The following ALMS1 variants were observed in gnomAD, a reference collection of about 807,000 sequenced individuals.
ALMS1 encodes centrosome-associated protein ALMS1.
A neutral mutation model predicts 352.2 loss-of-function variants in ALMS1; 271 were observed. The observed-to-expected ratio is 0.77, with a 90% CI of 0.70 to 0.85. The LOEUF is 0.85. Ranked by LOEUF, ALMS1 falls within the 40% of genes least tolerant of loss-of-function variation. The pLI is 0.00. For synonymous variants in ALMS1, 1,865 were observed against 1,761.2 expected (o/e 1.06, Z -1.48); for missense variants, 5,445 against 4,870.7 (o/e 1.12, Z -3.51).
intron 10 of ALMS1, 122 bp downstream of exon 10, chr2:73,491,620 C>T (rs1346805537): frequency 1.9e-6 from 2 of 1,044,454 alleles, no homozygotes; most frequent in Non-Finnish European, 2.9e-6. Context: ...GAGGTTGTGT[C>T]TGGCTAATTA....
chr2:73,406,677 ACT>A (rs1670979570), intron 1 of ALMS1, among the ~76,000 whole-genome samples: 2 of 151,738 alleles, frequency 1.3e-5, no homozygotes, highest in South Asian at 4.2e-4. Context: ...ACATATAAAA[ACT>A]CTAGTCCTTT....
rs199572177 is a variant in ALMS1, at chr2:73,448,679, C to G, written c.2152C>G (p.His718Asp). Residue 718 changes from histidine to aspartate, a missense_variant, in exon 8 of 23, where the codon CAT (histidine) becomes GAT (aspartate). By Grantham distance (81) the His-to-Asp change is moderately conservative. Coordinates refer to ENST00000613296, the MANE Select transcript of ALMS1 (RefSeq NM_001378454.1). Reference sequence around the variant, plus strand: ...AACAGTACTCTCTACTCCCCACTCACATAGAGAGAAGCCTGGTATTTTTTA... The same window carrying G: ...AACAGTACTCTCTACTCCCCACTCAGATAGAGAGAAGCCTGGTATTTTTTA... ...TATVLSTPHS[H>D]REKPGIFYQQ... The G allele has an allele frequency of 8.1e-6, 13 of 1,613,836 alleles. No homozygotes were observed. In the South Asian group the frequency reaches 1.4e-4, roughly 18 times the overall value.
At chr2:73,438,466 G>A (rs185609018) in intron 7 of ALMS1, among the ~76,000 whole-genome samples, 8 of 152,248 alleles carry the variant, frequency 5.3e-5, no homozygotes, top group South Asian at 4.1e-4. Context: ...AAAAAGAATC[G>A]GTGACACCAT....
At chr2:73,542,484 A>G (rs1573007319) in intron 12 of ALMS1, among the ~76,000 whole-genome samples, 1 of 152,340 alleles carries the variant, frequency 6.6e-6, no homozygotes, top group African/African-American at 2.4e-5. Context: ...CACCACTCCT[A>G]TTCAACACAG....
intron 13 of ALMS1, among the ~76,000 whole-genome samples, chr2:73,552,571 A>G (rs1345418033): frequency 1.3e-5 from 2 of 152,224 alleles, no homozygotes; most frequent in Non-Finnish European, 2.9e-5. Context: ...AGGATGATAC[A>G]TTTGAAATAA....
chr2:73,481,600 C>T (rs1672704430), intron 9 of ALMS1, among the ~76,000 whole-genome samples: 1 of 151,230 alleles, frequency 6.6e-6, no homozygotes, highest in Non-Finnish European at 1.5e-5. Context: ...GTAGTTTTTT[C>T]CAATTCTGTG....
chr2:73,433,733 A>G (rs1671556267), intron 7 of ALMS1, among the ~76,000 whole-genome samples: 1 of 152,162 alleles, frequency 6.6e-6, no homozygotes, highest in Non-Finnish European at 1.5e-5. Flanking sequence ...TTTACTGTGA[A>G]ACTACCTGGG....
Position 73,428,904 on chromosome 2 carries a change from G to GGTTCACTT in ALMS1, c.1338+2352_1338+2359dup, listed in dbSNP as rs61663513. 4.0e-3 allele frequency among the ~76,000 whole-genome samples: 607 copies of GGTTCACTT among 152,170 alleles called. 5 individuals carry two copies. The highest frequency in any genetic ancestry group is 0.012 in the African/African-American group (505 of 41,514). On this transcript the variant is annotated intron_variant, in intron 6 of 22. Transcript: ENST00000613296. The stretch of plus-strand genomic sequence containing the variant: ...ACAGAAGAGTCATTCATAGTTACTT[G>GGTTCACTT]GTTCACTTTTATATCTACTCCTCAT...
chr2:73,387,941 A>G (rs150419139), intron 1 of ALMS1, among the ~76,000 whole-genome samples: 97 of 152,320 alleles, frequency 6.4e-4, no homozygotes, highest in Middle Eastern at 3.4e-3. Flanking sequence ...AACGGATGGG[A>G]TGTGAAAGGT....
chr2:73,490,295 A>G lies in ALMS1; in HGVS notation c.8336A>G (p.Asn2779Ser). 6.2e-7 allele frequency: 1 copy of G among 1,613,098 alleles called. No individual in the cohort carries two copies. The highest frequency in any genetic ancestry group is 8.5e-7 in the Non-Finnish European group (1 of 1,179,624). Residue 2779 changes from asparagine (N) to serine (S), a missense_variant, in exon 10 of 23, where the codon AAT becomes AGT. Asn to Ser is a conservative substitution (Grantham distance 46). Transcript: ENST00000613296. Reference protein sequence around the residue: ...SSPSSFKMHSNSQDKEVTILA... With the variant: ...SSPSSFKMHSSSQDKEVTILA... ...CCTTCATCATTTAAAATGCATAGTA[A>G]TTCACAAGATAAAGAAGTGACTATT...
Position 73,602,243 on chromosome 2 carries a change from G to T in ALMS1, c.12173G>T (p.Arg4058Leu), listed in dbSNP as rs61743400. The change falls in exon 20 of 23, where the codon CGC becomes CTC. Residue 4058 changes from arginine to leucine, a missense_variant. Arg to Leu is a moderately radical substitution (Grantham distance 102). Transcript: ENST00000613296. ...TCCCGCTCTGGGGAGCGGATAAAGC[G>T]CCTGAAGTTAATAGTCCAGGAGAGG... is the stretch of plus-strand genomic sequence containing the variant. ...FISRSGERIK[R>L]LKLIVQERKL... The T allele has an allele frequency of 6.2e-7, 1 of 1,614,128 alleles. No homozygotes were observed. The highest frequency in any genetic ancestry group is 8.5e-7 in the Non-Finnish European group (1 of 1,179,994).
chr2:73,609,707 T>C lies in ALMS1; in HGVS notation c.*95T>C. ...TGTGAGTCTGGTTGAATAAAGCTTA[T>C]TCTTTGTCCATGTGTATTTTAGAAA... is the stretch of plus-strand genomic sequence containing the variant. On this transcript the variant is annotated 3_prime_UTR_variant, in exon 23 of 23. Coordinates refer to ENST00000613296, the MANE Select transcript of ALMS1 (RefSeq NM_001378454.1). The C allele has an allele frequency of 8.1e-7, 1 of 1,237,270 alleles. No homozygotes were observed. Among genetic ancestry groups the C allele is most frequent in the South Asian group, 1.2e-5 (1 of 82,452 alleles). 76.6% of individuals were successfully genotyped at this position (1,237,270 alleles called of 1,614,324 possible). A position where few individuals can be genotyped will look rare whatever the true frequency, so the allele number is the denominator to read the frequency against.
At chr2:73,585,647 G>A (rs1274991674) in intron 16 of ALMS1, among the ~76,000 whole-genome samples, 1 of 151,386 alleles carries the variant, frequency 6.6e-6, no homozygotes, top group East Asian at 1.9e-4. Flanking sequence ...GCCTACCTCA[G>A]CCTCCCAAAG....
intron 20 of ALMS1, among the ~76,000 whole-genome samples, 186 bp from the exon 21 acceptor site, chr2:73,603,055 A>G (rs529275616): frequency 6.6e-6 from 1 of 152,328 alleles, no homozygotes; most frequent in African/African-American, 2.4e-5. Flanking sequence ...TTAGGTCCTT[A>G]GGGCCTTAGG....
intron 9 of ALMS1, among the ~76,000 whole-genome samples, chr2:73,487,740 G>A (rs1032800684): frequency 5.9e-5 from 9 of 152,288 alleles, no homozygotes; most frequent in Non-Finnish European, 8.8e-5. Context: ...GAGTTTCATC[G>A]AGTGGCAGAA....
chr2:73,599,163 G>A (rs1225053529), intron 16 of ALMS1, among the ~76,000 whole-genome samples: 1 of 152,158 alleles, frequency 6.6e-6, no homozygotes, highest in African/African-American at 2.4e-5. Flanking sequence ...CAAGCCCAGT[G>A]AAAATAGCCA....
chr2:73,469,445 C>T (rs79729839), intron 9 of ALMS1: 2 of 151,802 alleles, frequency 1.3e-5, no homozygotes, highest in East Asian at 3.9e-4. Context: ...GCCAGATATA[C>T]CACTTAGAAA....
rs1558628477 is a variant in ALMS1 at position 73,395,063 on chromosome 2, TATATATATATATA to T, written c.324+8872_324+8884del. On this transcript the variant is annotated intron_variant, in intron 1 of 22. Coordinates refer to ENST00000613296, the MANE Select transcript of ALMS1 (RefSeq NM_001378454.1). ...GTGTGTGTATATATATATATGTGTA[TATATATATATATA>T]TATTTTTTTTTTTTTTTTTTTTTGA... 6.2e-3 allele frequency among the ~76,000 whole-genome samples: 663 copies of T among 107,128 alleles called. 10 individuals are homozygous for T. The highest frequency in any genetic ancestry group is 9.0e-3 in the Non-Finnish European group (524 of 58,042). The allele number at this position is 107,128 out of a possible 152,430, so 70.3% of individuals were successfully genotyped here.
chr2:73,576,248 G>C (rs1489155985), intron 16 of ALMS1, among the ~76,000 whole-genome samples: 1 of 152,124 alleles, frequency 6.6e-6, no homozygotes, highest in Non-Finnish European at 1.5e-5. Flanking sequence ...CAGGTAGTGT[G>C]AAACCTGTAA....
Sources: gnomAD v4.1 joint callset for allele counts (sites outside exome capture counted in the v4.1 genomes callset) on GRCh38, gnomAD v4.1.1 for gene constraint, MANE v1.5 for transcripts, NCBI Gene and HGNC (gene_info 2026-07-23, HGNC 2026-07-21) for gene names.